GNB4: variants seen among roughly 807,000 people sequenced by gnomAD.
GNB4 encodes the protein G protein subunit beta 4, also known as guanine nucleotide-binding protein subunit beta-4.
Under a neutral mutation model 45.2 loss-of-function variants are expected in GNB4, and 28 were observed. The observed-to-expected ratio is 0.62, with a 90% CI of 0.46 to 0.85. The LOEUF is 0.85. GNB4 is among the 40% of genes least tolerant of loss of function. The pLI is 0.00. For missense variants in GNB4, 321 were observed against 425.4 expected, an observed-to-expected ratio of 0.75 and a Z score of 2.16; for synonymous variants, 132 against 143.7, an observed-to-expected ratio of 0.92 and a Z score of 0.58.
rs538919100 is a variant in GNB4, at chr3:179,404,280, T to G, written c.916+910A>C. On this transcript the variant is annotated intron_variant, in intron 9 of 9. Coordinates refer to ENST00000232564, the MANE Select transcript of GNB4 (RefSeq NM_021629.4). ...AAATCTATCATATGGGAAAAACTGG[T>G]TGGGAAGAACATGGCTACGGCAGGA... Among the ~76,000 whole-genome samples, 4 of 152,230 alleles carry G rather than the reference T, an allele frequency of 2.6e-5. No homozygotes were observed. The South Asian group carries it at 8.3e-4, about 32-fold the overall frequency.
the GNB4 span, among the ~76,000 whole-genome samples, chr3:179,466,447 G>A: frequency 3.3e-5 from 5 of 152,138 alleles, no homozygotes; most frequent in Admixed American, 1.3e-4. Flanking sequence ...GGCAGCTTGA[G>A]GCAGAAAGAG....
At chr3:179,517,205 G>C in the GNB4 span, among the ~76,000 whole-genome samples, 2 of 152,128 alleles carry the variant, frequency 1.3e-5, no homozygotes, top group African/African-American at 4.8e-5. Flanking sequence ...TGCCTTAACT[G>C]ATGATATTAC....
chr3:179,408,624 C>G (rs1441228068), intron 8 of GNB4, among the ~76,000 whole-genome samples: 1 of 151,870 alleles, frequency 6.6e-6, no homozygotes, highest in African/African-American at 2.4e-5. Flanking sequence ...AACCCCGCCT[C>G]TACTAAAAAT....
chr3:179,514,858 C>T, the GNB4 span, among the ~76,000 whole-genome samples: 1 of 152,060 alleles, frequency 6.6e-6, no homozygotes, highest in Non-Finnish European at 1.5e-5. Context: ...TTATGGCAGC[C>T]CTGGAAGACT....
chr3:179,414,664 C>A (rs191616636), intron 6 of GNB4, among the ~76,000 whole-genome samples: 192 of 152,216 alleles, frequency 1.3e-3, no homozygotes, highest in African/African-American at 4.4e-3. Context: ...GTAAATTTAT[C>A]ATTTTTTACA....
intron 1 of GNB4, among the ~76,000 whole-genome samples, chr3:179,430,570 A>T (rs1188755534): frequency 6.6e-6 from 1 of 151,022 alleles, no homozygotes. Context: ...CTTCCACCTC[A>T]GCCTCCCCCA....
chr3:179,402,887 C>T (rs1413758973), intron 9 of GNB4, among the ~76,000 whole-genome samples: 1 of 152,192 alleles, frequency 6.6e-6, no homozygotes, highest in African/African-American at 2.4e-5. Context: ...TCATCCTGCG[C>T]TGTGGCGTAA....
At chr3:179,499,251 A>G in the GNB4 span, among the ~76,000 whole-genome samples, 1 of 142,532 alleles carries the variant, frequency 7.0e-6, no homozygotes, top group Non-Finnish European at 1.5e-5. Flanking sequence ...TCCGCCTCCC[A>G]GGTTCACGCC....
chr3:179,465,791 ATTT>A, the GNB4 span, among the ~76,000 whole-genome samples: 15 of 119,502 alleles, frequency 1.3e-4, no homozygotes, highest in South Asian at 8.4e-4. Flanking sequence ...TAAATAGATA[ATTT>A]TTTTCTTCTT....
At chr3:179,487,689 T>TTTGC in the GNB4 span, among the ~76,000 whole-genome samples, 1 of 151,962 alleles carries the variant, frequency 6.6e-6, no homozygotes, top group Non-Finnish European at 1.5e-5. Context: ...AGGTTTTTTG[T>TTTGC]TTGTTTGTTT....
chr3:179,496,598 C>T, the GNB4 span, among the ~76,000 whole-genome samples: 1 of 152,202 alleles, frequency 6.6e-6, no homozygotes, highest in South Asian at 2.1e-4. Flanking sequence ...CTATGAGAAA[C>T]TCACTTTAGC....
chr3:179,438,429 GA>G (rs962734572), intron 1 of GNB4, among the ~76,000 whole-genome samples: 17 of 152,196 alleles, frequency 1.1e-4, no homozygotes, highest in African/African-American at 3.6e-4. Context: ...ATTGTTTTGG[GA>G]ATTAAATAAT....
At chr3:179,410,438 T>G (rs1466851085) in intron 8 of GNB4, 1 of 152,206 alleles carries the variant, frequency 6.6e-6, no homozygotes, top group Admixed American at 6.5e-5. Context: ...AAAAGGAATG[T>G]ATTGTCTCAC....
At chr3:179,523,953 GA>G in the GNB4 span, among the ~76,000 whole-genome samples, 1 of 152,200 alleles carries the variant, frequency 6.6e-6, no homozygotes. Context: ...GTGCATAAAA[GA>G]ATGTTGTCCA....
the GNB4 span, among the ~76,000 whole-genome samples, chr3:179,527,053 A>G: frequency 6.6e-6 from 1 of 152,196 alleles, no homozygotes; most frequent in African/African-American, 2.4e-5. Flanking sequence ...TTAGCAATTA[A>G]ATAGTTAAAC....
At chr3:179,510,573 C>A in the GNB4 span, among the ~76,000 whole-genome samples, 1 of 151,318 alleles carries the variant, frequency 6.6e-6, no homozygotes, top group Non-Finnish European at 1.5e-5. Flanking sequence ...GAAAAGATGC[C>A]TCCCCAGAAT....
chr3:179,525,413 T>G, the GNB4 span, among the ~76,000 whole-genome samples: 3 of 151,736 alleles, frequency 2.0e-5, no homozygotes, highest in Non-Finnish European at 4.4e-5. Context: ...GGGTGGAAGG[T>G]TGCCCATAGT....
the GNB4 span, among the ~76,000 whole-genome samples, chr3:179,493,647 A>C: frequency 1.3e-5 from 2 of 152,148 alleles, no homozygotes; most frequent in Non-Finnish European, 2.9e-5. Context: ...AAGGAGGAAA[A>C]GCTTATTTAA....
At chr3:179,458,442 A>G in the GNB4 span, among the ~76,000 whole-genome samples, 1 of 152,240 alleles carries the variant, frequency 6.6e-6, no homozygotes, top group Non-Finnish European at 1.5e-5. Flanking sequence ...GATGATTTAA[A>G]CAAGAACTGC....
Sources: allele counts gnomAD v4.1 joint callset (sites outside exome capture counted in the v4.1 genomes callset), GRCh38; gene constraint gnomAD v4.1.1; transcripts MANE v1.5; gene names NCBI Gene and HGNC (gene_info 2026-07-23, HGNC 2026-07-21).